PALM2AKAP2: variants seen among roughly 807,000 people sequenced by gnomAD.
PALM2AKAP2 encodes the protein PALM2-AKAP2 fusion protein.
PALM2AKAP2 carries 37 observed loss-of-function variants against 71.5 expected under a neutral mutation model. The ratio of observed to expected loss-of-function variants is 0.52; its 90% CI spans 0.40 to 0.68. The LOEUF (loss-of-function observed/expected upper bound fraction) is 0.68. Among genes scored for constraint, PALM2AKAP2 ranks in the 30% least tolerant of loss-of-function variants. PALM2AKAP2 has a pLI of 0.00. For synonymous variants in PALM2AKAP2, 468 were observed against 478.8 expected (o/e 0.98, Z 0.29); for missense variants, 1,224 against 1,191.8 (o/e 1.03, Z -0.40).
At chr9:109,954,981 C>T (rs1012050443) in intron 6 of PALM2AKAP2, among the ~76,000 whole-genome samples, 5 of 152,076 alleles carry the variant, frequency 3.3e-5, no homozygotes, top group African/African-American at 1.2e-4. Flanking sequence ...TGTTCATCAC[C>T]ACCAACACCA....
At chr9:109,656,642 T>C (rs1827312073) in intron 1 of PALM2AKAP2, among the ~76,000 whole-genome samples, 1 of 152,134 alleles carries the variant, frequency 6.6e-6, no homozygotes, top group African/African-American at 2.4e-5. Flanking sequence ...AAGATGGTTA[T>C]GGTTGTTGTG....
intron 2 of PALM2AKAP2, among the ~76,000 whole-genome samples, chr9:109,868,615 C>A (rs565702118): frequency 6.6e-6 from 1 of 152,216 alleles, no homozygotes; most frequent in African/African-American, 2.4e-5. Flanking sequence ...TAAATGAATA[C>A]CCAAAATGAG....
At chr9:110,156,046 G>T (rs996114644) in intron 2 of PALM2AKAP2, among the ~76,000 whole-genome samples, 1 of 152,210 alleles carries the variant, frequency 6.6e-6, no homozygotes, top group Non-Finnish European at 1.5e-5. Flanking sequence ...GCCACTGTCG[G>T]TCTGTCCAAC....
chr9:109,683,751 A>G (rs1214388141), intron 1 of PALM2AKAP2, among the ~76,000 whole-genome samples: 2 of 152,092 alleles, frequency 1.3e-5, no homozygotes, highest in East Asian at 1.9e-4. Flanking sequence ...TCCCACAATG[A>G]CTAGAGCTAT....
intron 1 of PALM2AKAP2, among the ~76,000 whole-genome samples, chr9:110,097,427 C>G (rs1834876575): frequency 6.6e-6 from 1 of 151,156 alleles, no homozygotes. Flanking sequence ...TTCCACAAAA[C>G]TGCCATTGTC....
chr9:110,080,493 A>G (rs1404726140), intron 1 of PALM2AKAP2, among the ~76,000 whole-genome samples: 2 of 152,194 alleles, frequency 1.3e-5, no homozygotes, highest in African/African-American at 4.8e-5. Flanking sequence ...TGTCAGGTGT[A>G]GGAAGAGATG....
At chr9:110,020,992 G>A (rs1833065062) in intron 7 of PALM2AKAP2, among the ~76,000 whole-genome samples, 2 of 152,058 alleles carry the variant, frequency 1.3e-5, no homozygotes, top group Admixed American at 1.3e-4. Context: ...TGTAATCCCA[G>A]CTACTCCGGA....
At chr9:109,820,400 C>T (rs1827964792) in intron 1 of PALM2AKAP2, among the ~76,000 whole-genome samples, 2 of 152,182 alleles carry the variant, frequency 1.3e-5, no homozygotes, top group Admixed American at 6.5e-5. Flanking sequence ...TGGTGAGATG[C>T]CGTCACCTCA....
At chr9:109,776,586 A>T (rs1021253333), upstream of PALM2AKAP2, among the ~76,000 whole-genome samples, 3 of 152,178 alleles carry the variant, frequency 2.0e-5, no homozygotes. Flanking sequence ...CTGCCATACC[A>T]TGGCTTCAGG....
intron 1 of PALM2AKAP2, among the ~76,000 whole-genome samples, chr9:109,751,538 A>G (rs1313906258): frequency 1.3e-5 from 2 of 152,182 alleles, no homozygotes; most frequent in Admixed American, 6.5e-5. Context: ...CCTAAAAGTC[A>G]TATGTACACA....
At chr9:109,770,458 T>C (rs1338802596) in intron 1 of PALM2AKAP2, among the ~76,000 whole-genome samples, 1 of 152,258 alleles carries the variant, frequency 6.6e-6, no homozygotes, top group African/African-American at 2.4e-5. Flanking sequence ...AGAATCACTG[T>C]TCTGGATGGT....
intron 2 of PALM2AKAP2, among the ~76,000 whole-genome samples, chr9:110,150,738 T>A (rs1417882316): frequency 6.6e-6 from 1 of 152,256 alleles, no homozygotes; most frequent in Non-Finnish European, 1.5e-5. Context: ...CCATGTGCTA[T>A]GCACTTTTGC....
chr9:110,069,413 A>G (rs1834156899), intron 1 of PALM2AKAP2, among the ~76,000 whole-genome samples: 1 of 152,206 alleles, frequency 6.6e-6, no homozygotes, highest in African/African-American at 2.4e-5. Flanking sequence ...TGTCCCAGGA[A>G]CAGAAGAGAA....
rs7863757 is a variant in PALM2AKAP2, at chr9:110,035,744, A to G, written c.582+19705A>G. On this transcript the variant is annotated intron_variant, in intron 7 of 9. Coordinates refer to the PALM2AKAP2 transcript ENST00000302798. ...ATATAGGATATGTTGTGTGTTATAT[A>G]TAACATATATAGGATATGTTGTATG... is the stretch of plus-strand genomic sequence containing the variant. Among the ~76,000 whole-genome samples the G allele has an allele frequency of 4.0e-3, 526 of 131,822 alleles. 20 individuals carry two copies. The highest frequency in any genetic ancestry group is 9.9e-3 in the East Asian group (41 of 4,128). The allele number at this position is 131,822 out of a possible 152,430, so 86.5% of individuals were successfully genotyped here.
chr9:109,832,580 A>C (rs1828334184), intron 1 of PALM2AKAP2, among the ~76,000 whole-genome samples: 1 of 152,216 alleles, frequency 6.6e-6, no homozygotes, highest in South Asian at 2.1e-4. Flanking sequence ...TTTGAAAGCT[A>C]AGAAAAATGT....
In PALM2AKAP2 at chr9:110,034,708, G is replaced by A. The variant is rs1012068980; in HGVS notation, c.582+18669G>A. Reference sequence around the variant, plus strand: ...CAACCTCTGCTTCCCAGGCTCAAGCGATTCTCCTGCCTCAGCCTCCTGAAT... The same window carrying A: ...CAACCTCTGCTTCCCAGGCTCAAGCAATTCTCCTGCCTCAGCCTCCTGAAT... On this transcript the variant is annotated intron_variant, in intron 7 of 9. Coordinates refer to the PALM2AKAP2 transcript ENST00000302798. Among the ~76,000 whole-genome samples the A allele has an allele frequency of 3.4e-5, 5 of 147,798 alleles. No individual in the cohort carries two copies. In the East Asian group the frequency reaches 6.0e-4, roughly 18 times the overall value.
At chr9:110,015,845 A>G (rs1832971434) in intron 6 of PALM2AKAP2, 109 bp from the exon 7 acceptor site, 2 of 1,025,106 alleles carry the variant, frequency 2.0e-6, no homozygotes, top group Admixed American at 4.0e-5. Flanking sequence ...ATAGGTCATC[A>G]TCAGCTCCCT....
At chr9:109,908,807 T>C (rs1054961491) in intron 3 of PALM2AKAP2, among the ~76,000 whole-genome samples, 26 of 87,704 alleles carry the variant, frequency 3.0e-4, no homozygotes, top group Non-Finnish European at 4.9e-4. Context: ...TGGATGCGTG[T>C]GCACACACAC....
rs1020464534 is a variant in PALM2AKAP2 at position 109,931,904 on chromosome 9, T to C, written c.395-23T>C. Reference sequence around the variant, plus strand: ...GGCCTCCCAACACTGTGACTAATTGTATTCCCTGTTCTCTGCTACCAGATG... The same window carrying C: ...GGCCTCCCAACACTGTGACTAATTGCATTCCCTGTTCTCTGCTACCAGATG... On this transcript the variant is annotated intron_variant, in intron 5 of 9. Coordinates refer to the PALM2AKAP2 transcript ENST00000302798. 5 of 1,611,936 alleles carry C rather than the reference T, an allele frequency of 3.1e-6. No homozygotes were observed. In the African/African-American group the frequency reaches 4.0e-5, roughly 13 times the overall value.
Sources: allele counts gnomAD v4.1 joint callset (sites outside exome capture counted in the v4.1 genomes callset), GRCh38; gene constraint gnomAD v4.1.1; transcripts MANE v1.5; gene names NCBI Gene and HGNC (gene_info 2026-07-23, HGNC 2026-07-21).